Variants in ENAH observed in about 807,000 individuals in gnomAD.
ENAH encodes the protein protein enabled homolog.
A neutral mutation model predicts 78.7 loss-of-function variants in ENAH; 23 were observed. The observed-to-expected ratio is 0.29, with a 90% CI of 0.21 to 0.41. The LOEUF (loss-of-function observed/expected upper bound fraction) is 0.41, where lower values mean the gene tolerates loss of function less well. Among genes scored for constraint, ENAH ranks in the 10% least tolerant of loss-of-function variants. The pLI is 1.00. For missense variants in ENAH, 544 were observed against 691.0 expected, an observed-to-expected ratio of 0.79 and a Z score of 2.39; for synonymous variants, 226 against 241.0, an observed-to-expected ratio of 0.94 and a Z score of 0.58.
intron 6 of ENAH, chr1:225,515,109 G>T: frequency 1.8e-6 from 1 of 542,936 alleles, no homozygotes; most frequent in South Asian, 2.6e-5. Flanking sequence ...CTTACTTTAG[G>T]TTAGAGCTTT....
chr1:225,601,634 C>T (rs1314988604), intron 1 of ENAH, among the ~76,000 whole-genome samples: 1 of 151,792 alleles, frequency 6.6e-6, no homozygotes, highest in East Asian at 1.9e-4. Flanking sequence ...TCCCAATGGA[C>T]GGGGATACAT....
chr1:225,626,645 A>G (rs1470225535), intron 1 of ENAH, among the ~76,000 whole-genome samples: 1 of 152,248 alleles, frequency 6.6e-6, no homozygotes, highest in Non-Finnish European at 1.5e-5. Flanking sequence ...TTGTGTTTAT[A>G]AATTACCCAG....
At chr1:225,570,348 T>C (rs922386990) in intron 1 of ENAH, among the ~76,000 whole-genome samples, 9 of 152,108 alleles carry the variant, frequency 5.9e-5, no homozygotes, top group Non-Finnish European at 8.8e-5. Flanking sequence ...ACGCTGACCA[T>C]TGAACAACAT....
At chr1:225,631,887 A>G (rs1035892054) in intron 1 of ENAH, among the ~76,000 whole-genome samples, 4 of 152,146 alleles carry the variant, frequency 2.6e-5, no homozygotes, top group African/African-American at 9.7e-5. Context: ...TGATCCCTTC[A>G]GTTTATTTTC....
chr1:225,610,348 TCAAA>T (rs1221982077), intron 1 of ENAH, among the ~76,000 whole-genome samples: 5 of 152,088 alleles, frequency 3.3e-5, no homozygotes, highest in African/African-American at 4.8e-5. Flanking sequence ...AGCTCAAAGA[TCAAA>T]CAATTAAAAC....
At chr1:225,588,801 CAAAAAAAAAAA>C (rs55962047) in intron 1 of ENAH, among the ~76,000 whole-genome samples, 19 of 78,432 alleles carry the variant, frequency 2.4e-4, no homozygotes, top group South Asian at 8.3e-4. Context: ...AAGTCTGTGT[CAAAAAAAAAAA>C]AAAAAAAAAA....
chr1:225,609,856 C>T (rs1011616796), intron 1 of ENAH, among the ~76,000 whole-genome samples: 6 of 151,328 alleles, frequency 4.0e-5, no homozygotes, highest in Non-Finnish European at 7.4e-5. Context: ...GTAGAGACAG[C>T]GTTTTGCTAT....
At chr1:225,609,656 ATTTTTTTTTTT>A (rs59508510) in intron 1 of ENAH, among the ~76,000 whole-genome samples, 4 of 76,484 alleles carry the variant, frequency 5.2e-5, no homozygotes, top group South Asian at 5.0e-4. Flanking sequence ...GGAAAAATGG[ATTTTTTTTTTT>A]TTTTTTTTTT....
intron 4 of ENAH, among the ~76,000 whole-genome samples, chr1:225,520,427 C>T (rs994648957): frequency 1.3e-5 from 2 of 152,190 alleles, no homozygotes; most frequent in African/African-American, 4.8e-5. Context: ...TATATATACA[C>T]ATACGCGCAC....
Position 225,508,151 on chromosome 1 carries a change from C to T in ENAH, c.1472-134G>A, listed in dbSNP as rs545770977. The T allele has an allele frequency of 8.1e-6, 4 of 492,180 alleles. No homozygotes were observed. In the South Asian group the frequency reaches 1.9e-4, roughly 23 times the overall value. The allele number at this position is 492,180 out of a possible 1,614,324, so 30.5% of individuals were successfully genotyped here. ...TATAAATAAAAATTTAAATTCTAAA[C>T]TTTAATTGAAATCTGTAAGGACTCT... is the stretch of plus-strand genomic sequence containing the variant. On this transcript the variant is annotated intron_variant, in intron 10 of 13. Coordinates refer to ENST00000366843, the MANE Select transcript of ENAH (RefSeq NM_018212.6).
chr1:225,534,682 A>G (rs1008226643), intron 3 of ENAH, among the ~76,000 whole-genome samples: 2 of 152,130 alleles, frequency 1.3e-5, no homozygotes, highest in Non-Finnish European at 2.9e-5. Context: ...TGAATCAAAA[A>G]GGCATATATG....
chr1:225,628,894 G>A (rs1266178351), intron 1 of ENAH, among the ~76,000 whole-genome samples: 9 of 131,212 alleles, frequency 6.9e-5, no homozygotes, highest in South Asian at 2.4e-4. Context: ...CAACAAGAGC[G>A]AAACTCCGTC....
intron 2 of ENAH, among the ~76,000 whole-genome samples, chr1:225,563,909 T>C (rs929850159): frequency 3.3e-5 from 5 of 152,098 alleles, no homozygotes; most frequent in Admixed American, 6.5e-5. Flanking sequence ...GATTATTTAC[T>C]ATTTATTTAT....
chr1:225,517,814 G>C lies in ENAH; in HGVS notation c.803-508C>G, dbSNP rs528453820. ...AAACGTGTCGCTGAGTGTCGCAGTG[G>C]TGGTGTAGGGGGTGTGGAAGTAGGT... On this transcript the variant is annotated intron_variant, in intron 5 of 13. Transcript: ENST00000366843. 4 of 1,551,446 alleles carry C rather than the reference G, an allele frequency of 2.6e-6. No homozygotes were observed. The African/African-American group carries it at 4.1e-5, about 16-fold the overall frequency.
chr1:225,557,894 A>G (rs888995925), intron 2 of ENAH, among the ~76,000 whole-genome samples: 1 of 152,166 alleles, frequency 6.6e-6, no homozygotes. Flanking sequence ...TTATCTGGGG[A>G]AAAACCCTAC....
At chr1:225,653,287 G>C (rs1208560472), upstream of ENAH, 1 of 151,396 alleles carries the variant, frequency 6.6e-6, no homozygotes, top group African/African-American at 2.4e-5. The surrounding 1 kb of genome is among the most constrained non-coding windows in gnomAD (Gnocchi z 4.3). Context: ...CGGCGGCCGG[G>C]CCCCCGCCGG....
At chr1:225,518,629 G>A (rs1189880409) in intron 5 of ENAH, among the ~76,000 whole-genome samples, 2 of 152,094 alleles carry the variant, frequency 1.3e-5, no homozygotes, top group African/African-American at 2.4e-5. Context: ...TTTAATAAAC[G>A]TTAAAATATC....
chr1:225,650,283 A>C (rs1227451977), intron 1 of ENAH, among the ~76,000 whole-genome samples: 1 of 152,152 alleles, frequency 6.6e-6, no homozygotes, highest in African/African-American at 2.4e-5. Flanking sequence ...AACTTTTCAG[A>C]CCTGTGTACC....
intron 1 of ENAH, among the ~76,000 whole-genome samples, chr1:225,587,270 C>A (rs976708668): frequency 3.9e-5 from 6 of 152,046 alleles, no homozygotes; most frequent in African/African-American, 1.4e-4. Flanking sequence ...CGAATTGCTG[C>A]TTATGGAAAA....
Sources: gnomAD v4.1 joint callset for allele counts (sites outside exome capture counted in the v4.1 genomes callset) on GRCh38, gnomAD v4.1.1 for gene constraint, Gnocchi (gnomAD v3.1) non-coding constraint, MANE v1.5 for transcripts, NCBI Gene and HGNC (gene_info 2026-07-23, HGNC 2026-07-21) for gene names.